SLC9A6: variants seen among roughly 807,000 people sequenced by gnomAD.
The protein encoded by SLC9A6 is sodium/hydrogen exchanger 6.
A neutral mutation model predicts 45.3 loss-of-function variants in SLC9A6; 6 were observed. The ratio of observed to expected loss-of-function variants is 0.13; its 90% confidence interval spans 0.07 to 0.26. The LOEUF is 0.26. Ranked by LOEUF, SLC9A6 falls within the 10% of genes least tolerant of loss-of-function variation. SLC9A6 has a pLI of 1.00. For missense variants in SLC9A6, 278 were observed against 503.7 expected, an observed-to-expected ratio of 0.55 and a Z score of 4.29; for synonymous variants, 191 against 187.7, an observed-to-expected ratio of 1.02 and a Z score of -0.14.
chrX:136,040,862 C>T (rs2071495445), intron 17 of SLC9A6, among the ~76,000 whole-genome samples: 1 of 112,466 alleles, frequency 8.9e-6, no homozygotes, highest in Admixed American at 9.4e-5. Flanking sequence ...TGGCTCATGC[C>T]TGTAATCCCA....
At chrX:136,013,236 G>C (rs183297246) in intron 9 of SLC9A6, 113 bp from the exon 10 acceptor site, 1 of 774,559 alleles carries the variant, frequency 1.3e-6, no homozygotes, top group East Asian at 3.2e-5. Context: ...AACAAAGTAA[G>C]TCACAAATGA....
chrX:135,985,546 T>G, intron 1 of SLC9A6, 57 bp from the exon 2 acceptor site: 1 of 1,170,713 alleles, frequency 8.5e-7, no homozygotes, highest in Admixed American at 2.3e-5. Context: ...CGCCGTGGCG[T>G]CGGCAGCAGT....
At chrX:136,033,554 TGG>T in intron 16 of SLC9A6, 61 bp downstream of exon 16, 1 of 669,420 alleles carries the variant, frequency 1.5e-6, no homozygotes, top group Non-Finnish European at 2.3e-6. Flanking sequence ...TACAGTTTAA[TGG>T]AACAAGTGTT....
chrX:135,982,772 C>A (rs1326677966), upstream of SLC9A6, among the ~76,000 whole-genome samples: 1 of 112,512 alleles, frequency 8.9e-6, no homozygotes, highest in African/African-American at 3.2e-5. Context: ...CCATGCCTGG[C>A]CAATTAGCTT....
In SLC9A6 at chrX:136,025,144, T is replaced by C. The variant is rs558511903; in HGVS notation, c.1460+661T>C. ...CTCCAACCCTAATCACTACTAGATA[T>C]TATCATTTTTCTCATCAGCACTGTT... is the stretch of plus-strand genomic sequence containing the variant. On this transcript the variant is annotated intron_variant, in intron 13 of 17. Coordinates refer to ENST00000630721, the MANE Select transcript of SLC9A6 (RefSeq NM_001379110.1). Among the ~76,000 whole-genome samples, 61 of 112,571 alleles carry C rather than the reference T, an allele frequency of 5.4e-4. No individual in the cohort carries two copies. The South Asian group carries it at 0.022, about 41-fold the overall frequency.
rs782320729 is a variant in SLC9A6 at position 136,013,095 on chromosome X, A to G, written c.991+41A>G. 1.0e-5 allele frequency: 10 copies of G among 984,922 alleles called. No homozygotes were observed. In the Admixed American group the frequency reaches 1.1e-4, roughly 11 times the overall value. 81.2% of individuals were successfully genotyped at this position (984,922 alleles called of 1,213,427 possible). On this transcript the variant is annotated intron_variant, in intron 9 of 17. Transcript: ENST00000630721. The stretch of plus-strand genomic sequence containing the variant: ...CCTTTGATTGTCAACCCTTAAAAGG[A>G]GTGACTTTGCCAGTCAATTTTGCTC...
intron 16 of SLC9A6, among the ~76,000 whole-genome samples, chrX:136,037,778 G>T (rs1267143650): frequency 9.0e-6 from 1 of 111,416 alleles, no homozygotes; most frequent in African/African-American, 3.3e-5. Context: ...CACCGTGTTT[G>T]CCAGGATGGT....
intron 6 of SLC9A6, among the ~76,000 whole-genome samples, chrX:135,999,408 AG>A (rs1326967270): frequency 8.9e-6 from 1 of 112,068 alleles, no homozygotes; most frequent in African/African-American, 3.2e-5. Flanking sequence ...TTTAACAGTA[AG>A]AAAAAATGTT....
At chrX:136,019,693 G>A (rs1202129300) in intron 11 of SLC9A6, among the ~76,000 whole-genome samples, 1 of 112,453 alleles carries the variant, frequency 8.9e-6, no homozygotes. Flanking sequence ...CCCGCACTCA[G>A]TTTCCCCTAT....
chrX:136,008,653 G>A (rs1163992979), intron 7 of SLC9A6, among the ~76,000 whole-genome samples: 1 of 112,337 alleles, frequency 8.9e-6, no homozygotes, highest in Non-Finnish European at 1.9e-5. Flanking sequence ...ACAAAGAGGG[G>A]AAAGGAATAC....
intron 1 of SLC9A6, among the ~76,000 whole-genome samples, chrX:135,975,942 A>C (rs1342284679): frequency 2.0e-5 from 2 of 99,505 alleles, no homozygotes; most frequent in Non-Finnish European, 4.0e-5. Flanking sequence ...ATGCCACTGC[A>C]CTACAGGCTG....
chrX:135,997,827 G>A (rs1043684856), intron 3 of SLC9A6, among the ~76,000 whole-genome samples: 3 of 111,599 alleles, frequency 2.7e-5, no homozygotes, highest in Non-Finnish European at 3.8e-5. Context: ...CCAGGTTCAA[G>A]CAATTCTCCT....
At chrX:136,040,692 C>A (rs782185961) in intron 17 of SLC9A6, among the ~76,000 whole-genome samples, 1 of 112,517 alleles carries the variant, frequency 8.9e-6, no homozygotes, top group Non-Finnish European at 1.9e-5. Flanking sequence ...AATCTGAATT[C>A]CATATTTTTT....
intron 2 of SLC9A6, among the ~76,000 whole-genome samples, chrX:135,993,400 C>G (rs1310869888): frequency 8.9e-6 from 1 of 111,809 alleles, no homozygotes; most frequent in Non-Finnish European, 1.9e-5. Context: ...ACACTAAAGA[C>G]CACTGAATTG....
upstream of SLC9A6, chrX:135,973,973 A>G: frequency 9.6e-7 from 1 of 1,036,651 alleles, no homozygotes; most frequent in East Asian, 4.3e-5. Context: ...AGCGGGAGCT[A>G]CGGGGAAGCG....
In SLC9A6 at chrX:136,044,979, TGTTA is replaced by T. The variant is rs1416721582; in HGVS notation, c.*259_*262del. On this transcript the variant is annotated 3_prime_UTR_variant, in exon 18 of 18. Transcript: ENST00000630721. Reference sequence around the variant, plus strand: ...ACTTTCACAGTGATGTTGTGTGTTCTGTTAGTTTTATGTCTCAGTTAAAGTGTAA... The same window carrying T: ...ACTTTCACAGTGATGTTGTGTGTTCTGTTTTATGTCTCAGTTAAAGTGTAA... 11 of 348,880 alleles carry T rather than the reference TGTTA, an allele frequency of 3.2e-5. No homozygotes were observed. The East Asian group carries it at 5.2e-4, about 17-fold the overall frequency. The allele number at this position is 348,880 out of a possible 1,213,427, so 28.8% of individuals were successfully genotyped here.
intron 10 of SLC9A6, among the ~76,000 whole-genome samples, chrX:136,015,114 G>A (rs982401597): frequency 8.8e-6 from 1 of 113,084 alleles, no homozygotes; most frequent in Non-Finnish European, 1.9e-5. Context: ...GCCCTTGCCA[G>A]TGAGCTAAGC....
At chrX:136,028,387 A>G (rs1264505031) in intron 13 of SLC9A6, among the ~76,000 whole-genome samples, 1 of 111,909 alleles carries the variant, frequency 8.9e-6, no homozygotes, top group Non-Finnish European at 1.9e-5. Flanking sequence ...ATTATGCCCT[A>G]GTTGTGTTGG....
intron 4 of SLC9A6, 145 bp from the exon 5 acceptor site, chrX:135,998,337 A>G: frequency 3.6e-6 from 2 of 556,234 alleles, no homozygotes; most frequent in Non-Finnish European, 6.0e-6. Flanking sequence ...TACCTGTACA[A>G]GAATGCTTTC....
Sources: allele counts gnomAD v4.1 joint callset (sites outside exome capture counted in the v4.1 genomes callset), GRCh38; gene constraint gnomAD v4.1.1; transcripts MANE v1.5; gene names NCBI Gene and HGNC (gene_info 2026-07-23, HGNC 2026-07-21).